SLC6A9: variants seen among roughly 807,000 people sequenced by gnomAD.
The protein encoded by SLC6A9 is solute carrier family 6 member 9, also known as sodium- and chloride-dependent glycine transporter 1.
Under a neutral mutation model 70.9 loss-of-function variants are expected in SLC6A9, and 31 were observed. That is an observed-to-expected ratio of 0.44 (90% CI 0.33 to 0.59). SLC6A9 has a LOEUF of 0.59. SLC6A9 is among the 20% of genes least tolerant of loss of function. SLC6A9 has a pLI of 0.04. For missense variants in SLC6A9, 631 were observed against 845.2 expected, an observed-to-expected ratio of 0.75 and a Z score of 3.14; for synonymous variants, 310 against 341.3, an observed-to-expected ratio of 0.91 and a Z score of 1.01.
chr1:44,002,843 G>A lies in SLC6A9; in HGVS notation c.723+10C>T, dbSNP rs373890008. 2.5e-6 allele frequency: 4 copies of A among 1,613,854 alleles called. No homozygotes were observed. The highest frequency in any genetic ancestry group is 1.7e-5 in the Admixed American group (1 of 60,002). ...GGTGGGCACAGACCCTGCTGGGGAGGGGTACTTGCTTTCCCTGAAGACTTG... is the reference window on the plus strand; with the variant it reads ...GGTGGGCACAGACCCTGCTGGGGAGAGGTACTTGCTTTCCCTGAAGACTTG... On this transcript the variant is annotated intron_variant, in intron 6 of 13. Coordinates refer to ENST00000372310, the MANE Select transcript of SLC6A9 (RefSeq NM_001024845.3). The surrounding 1 kb of genome is among the most constrained non-coding windows in gnomAD (Gnocchi z 5.5).
At chr1:44,004,481 G>A (rs1054133639) in intron 5 of SLC6A9, among the ~76,000 whole-genome samples, 1 of 152,084 alleles carries the variant, frequency 6.6e-6, no homozygotes, top group African/African-American at 2.4e-5. Flanking sequence ...GAGTAGATGG[G>A]ACTACATGTG....
chr1:44,011,366 C>G (rs192270735), intron 2 of SLC6A9, among the ~76,000 whole-genome samples: 1 of 152,030 alleles, frequency 6.6e-6, no homozygotes, highest in Non-Finnish European at 1.5e-5. Flanking sequence ...CAGGCGACTG[C>G]GGGGGAGGGG....
chr1:44,024,266 T>G lies in SLC6A9; in HGVS notation c.12A>C (p.Lys4Asn), dbSNP rs201148088. ...TACTCACCAGCATCCCTTTGGCACC[T>G]TTTCCTACCATGGCGGCGGTGGGTT... MVG[K>N]GAKGMLNGAV... Residue 4 changes from lysine to asparagine, a missense_variant, in exon 2 of 14, where the codon AAA becomes AAC. Physicochemically the swap from Lys to Asn is moderately conservative, Grantham distance 94. Coordinates refer to ENST00000372310, the MANE Select transcript of SLC6A9 (RefSeq NM_001024845.3). The G allele has an allele frequency of 1.0e-4, 162 of 1,613,920 alleles. 2 individuals carry two copies. The South Asian group carries it at 1.6e-3, about 16-fold the overall frequency.
At chr1:44,004,535 A>T (rs575756625) in intron 5 of SLC6A9, among the ~76,000 whole-genome samples, 28 of 151,058 alleles carry the variant, frequency 1.9e-4, no homozygotes, top group African/African-American at 6.8e-4. Flanking sequence ...TTGTAGAGAT[A>T]TGGTATCGCC....
At chr1:44,011,597 G>C in intron 2 of SLC6A9, 1 of 1,614,094 alleles carries the variant, frequency 6.2e-7, no homozygotes, top group Non-Finnish European at 8.5e-7. Context: ...CCATGAGTTG[G>C]GGAAGGAGAC....
At chr1:44,005,369 G>A (rs1164520109) in intron 5 of SLC6A9, among the ~76,000 whole-genome samples, 1 of 152,196 alleles carries the variant, frequency 6.6e-6, no homozygotes, top group Non-Finnish European at 1.5e-5. Context: ...GCAGACATGG[G>A]CTCAGAAATC....
In SLC6A9 at chr1:44,001,001, C is replaced by A; in HGVS notation, c.1390G>T (p.Val464Leu). ...MDNYAASFSL[V>L]VISCIMCVAI... ...ACACACATGATGCAGGAGATGACCACCAAGGAGAAGCTGGCCGCATAGTTG... is the reference window on the plus strand; with the variant it reads ...ACACACATGATGCAGGAGATGACCAACAAGGAGAAGCTGGCCGCATAGTTG... Residue 464 changes from valine to leucine, a missense_variant, in exon 11 of 14, where the codon GTG becomes TTG. Val to Leu is a conservative substitution (Grantham distance 32). Transcript: ENST00000372310. The A allele has an allele frequency of 6.3e-7, 1 of 1,584,780 alleles. No individual in the cohort carries two copies. The highest frequency in any genetic ancestry group is 8.6e-7 in the Non-Finnish European group (1 of 1,163,552).
At chr1:44,009,359 G>A (rs1418758986) in intron 4 of SLC6A9, among the ~76,000 whole-genome samples, 4 of 151,850 alleles carry the variant, frequency 2.6e-5, no homozygotes, top group Admixed American at 1.3e-4. Flanking sequence ...AGCTAGGACT[G>A]CAGGCACCTG....
chr1:44,001,228 T>C lies in SLC6A9; in HGVS notation c.1271A>G (p.Lys424Arg). 6.2e-7 allele frequency: 1 copy of C among 1,614,134 alleles called. No homozygotes were observed. The highest frequency in any genetic ancestry group is 8.5e-7 in the Non-Finnish European group (1 of 1,180,016). Residue 424 changes from lysine to arginine, a missense_variant, in exon 10 of 14, where the codon AAG (lysine) becomes AGG (arginine). Physicochemically the swap from Lys to Arg is conservative, Grantham distance 26. Transcript: ENST00000372310. ...EVGNEWILQKKTYVTLGVAVA... is the reference protein window; with the variant it reads ...EVGNEWILQKRTYVTLGVAVA... ...AGCCACGCCCAAGGTCACATAGGTCTTTTTCTGCAGGATCCACTCATTCCC... is the reference window on the plus strand; with the variant it reads ...AGCCACGCCCAAGGTCACATAGGTCCTTTTCTGCAGGATCCACTCATTCCC...
intron 1 of SLC6A9, among the ~76,000 whole-genome samples, chr1:44,025,652 T>C (rs772766173): frequency 6.6e-6 from 1 of 151,932 alleles, no homozygotes; most frequent in Non-Finnish European, 1.5e-5. Flanking sequence ...TTACAAAAAT[T>C]AGCTGGGCAT....
At chr1:44,030,143 C>G (rs914494084) in intron 1 of SLC6A9, among the ~76,000 whole-genome samples, 1 of 152,054 alleles carries the variant, frequency 6.6e-6, no homozygotes, top group African/African-American at 2.4e-5. Context: ...AGGCCTCCGG[C>G]CGGCGGGCAG....
intron 1 of SLC6A9, among the ~76,000 whole-genome samples, chr1:44,029,281 C>A (rs1260664880): frequency 1.3e-5 from 2 of 152,204 alleles, no homozygotes; most frequent in Non-Finnish European, 2.9e-5. Flanking sequence ...TGAAGGACCG[C>A]ACAGTTTAGT....
At chr1:44,011,743 G>A in intron 2 of SLC6A9, 8 of 1,612,726 alleles carry the variant, frequency 5.0e-6, no homozygotes, top group Non-Finnish European at 6.8e-6. Flanking sequence ...GGGGGCCGAA[G>A]GTCAGGAGAG....
At chr1:43,999,884 A>G (rs1384863167) in intron 12 of SLC6A9, among the ~76,000 whole-genome samples, 1 of 152,026 alleles carries the variant, frequency 6.6e-6, no homozygotes, top group East Asian at 1.9e-4. Context: ...TGACCATTAC[A>G]CTGTCAATAC....
intron 5 of SLC6A9, among the ~76,000 whole-genome samples, chr1:44,007,545 C>G (rs569475065): frequency 6.6e-6 from 1 of 152,228 alleles, no homozygotes; most frequent in African/African-American, 2.4e-5. Flanking sequence ...GATCACGGCA[C>G]CCCCGGCTCA....
chr1:43,998,954 C>T (rs904297974), intron 12 of SLC6A9, among the ~76,000 whole-genome samples: 6 of 87,894 alleles, frequency 6.8e-5, no homozygotes, highest in Admixed American at 1.3e-4. Context: ...CAGTGGCTGG[C>T]GGGCCACCCA....
Position 44,002,703 on chromosome 1 carries a change from C to T in SLC6A9, c.724-57G>A, listed in dbSNP as rs990486822. 2.5e-6 allele frequency: 4 copies of T among 1,604,086 alleles called. No individual in the cohort carries two copies. The highest frequency in any genetic ancestry group is 3.4e-6 in the Non-Finnish European group (4 of 1,174,258). On this transcript the variant is annotated intron_variant, in intron 6 of 13. Coordinates refer to ENST00000372310, the MANE Select transcript of SLC6A9 (RefSeq NM_001024845.3). The surrounding 1 kb of genome is among the most constrained non-coding windows in gnomAD (Gnocchi z 5.5). ...GGCTCTCCCCTCCCCTGGGCACCAC[C>T]ACCCTGGCTCCCTAATCACCACCAG...
chr1:44,012,663 C>G (rs1463773368), intron 2 of SLC6A9, among the ~76,000 whole-genome samples: 1 of 152,214 alleles, frequency 6.6e-6, no homozygotes, highest in Non-Finnish European at 1.5e-5. Context: ...AATGTATACA[C>G]CCATCATCTT....
rs2086626514 is a variant in SLC6A9, at chr1:44,013,035, C to CA, written c.31-2154dup. On this transcript the variant is annotated intron_variant, in intron 2 of 13. Transcript: ENST00000372310. This position sits in a 1 kb window ranked among gnomAD's most constrained non-coding sequence, Gnocchi z 5.3. Reference sequence around the variant, plus strand: ...CTCCTATATGTTGACCCTACAATACCAGTTTTATTCTGTCCCAGGGTTGTT... The same window carrying CA: ...CTCCTATATGTTGACCCTACAATACCAAGTTTTATTCTGTCCCAGGGTTGTT... 6.6e-6 allele frequency among the ~76,000 whole-genome samples: 1 copy of CA among 152,210 alleles called. No homozygotes were observed. The highest frequency in any genetic ancestry group is 6.5e-5 in the Admixed American group (1 of 15,280).
Sources: gnomAD v4.1 joint callset for allele counts (sites outside exome capture counted in the v4.1 genomes callset) on GRCh38, gnomAD v4.1.1 for gene constraint, Gnocchi (gnomAD v3.1) non-coding constraint, MANE v1.5 for transcripts, NCBI Gene and HGNC (gene_info 2026-07-23, HGNC 2026-07-21) for gene names.